The following AGPAT3 variants were observed in gnomAD, a reference collection of about 807,000 sequenced individuals.
AGPAT3 encodes the protein 1-acylglycerol-3-phosphate O-acyltransferase 3, also known as 1-acyl-sn-glycerol-3-phosphate acyltransferase gamma.
A neutral mutation model predicts 47.3 loss-of-function variants in AGPAT3; 5 were observed. The ratio of observed to expected loss-of-function variants is 0.11; its 90% confidence interval spans 0.06 to 0.22. The LOEUF (loss-of-function observed/expected upper bound fraction) is 0.22, where lower values mean the gene tolerates loss of function less well. Among genes scored for constraint, AGPAT3 ranks in the 10% least tolerant of loss-of-function variants. The pLI is 1.00. For missense variants in AGPAT3, 315 were observed against 493.0 expected, an observed-to-expected ratio of 0.64 and a Z score of 3.42; for synonymous variants, 212 against 208.3, an observed-to-expected ratio of 1.02 and a Z score of -0.15.
chr21:43,962,167 A>T (rs2146661471), intron 3 of AGPAT3, among the ~76,000 whole-genome samples: 1 of 151,502 alleles, frequency 6.6e-6, no homozygotes, highest in East Asian at 1.9e-4. Flanking sequence ...CTCCTGGCTA[A>T]TTTTTTTTGT....
chr21:43,971,476 G>T lies in AGPAT3; in HGVS notation c.753G>T (p.Ala251=). ...LGILYGKKYE[A]DMCVRRFPLE... ...TCCTCTACGGGAAGAAGTACGAGGC[G>T]GACATGTGCGTGAGGTGAGGCCAGA... is the stretch of plus-strand genomic sequence containing the variant. Residue 251 remains alanine, a synonymous_variant, in exon 7 of 10, where the codon GCG becomes GCT. Transcript: ENST00000291572. 6.2e-7 allele frequency: 1 copy of T among 1,614,186 alleles called. No individual in the cohort carries two copies. Among genetic ancestry groups the T allele is most frequent in the South Asian group, 1.1e-5 (1 of 91,076 alleles).
Position 43,981,523 on chromosome 21 carries a change from G to C in AGPAT3, c.1042+336G>C. 1 of 400,564 alleles carries C rather than the reference G, an allele frequency of 2.5e-6. No individual in the cohort carries two copies. Among genetic ancestry groups the C allele is most frequent in the East Asian group, 5.3e-5 (1 of 18,920 alleles). The allele number at this position is 400,564 out of a possible 1,614,324, so 24.8% of individuals were successfully genotyped here. ...TTTTGGGCTCTTAGGGGTCAGGCTG[G>C]GCTGGCCATTCGGGAGGTTTAAGCA... On this transcript the variant is annotated intron_variant, in intron 9 of 9. Coordinates refer to ENST00000291572, the MANE Select transcript of AGPAT3 (RefSeq NM_020132.5). This position sits in a 1 kb window ranked among gnomAD's most constrained non-coding sequence, Gnocchi z 5.3.
In AGPAT3 at chr21:43,969,260, A is replaced by G. The variant is rs1409998737; in HGVS notation, c.491A>G (p.Asp164Gly). Reference sequence around the variant, plus strand: ...GTCGAAGGGCTGAGGCGCCTGTCGGACTACCCCGAGTACATGTGGGTGAGT... The same window carrying G: ...GTCGAAGGGCTGAGGCGCCTGTCGGGCTACCCCGAGTACATGTGGGTGAGT... ...TVVEGLRRLSDYPEYMWFLLY... is the reference protein window; with the variant it reads ...TVVEGLRRLSGYPEYMWFLLY... The change falls in exon 5 of 10, where the codon GAC becomes GGC. Residue 164 changes from aspartate to glycine, a missense_variant. Transcript: ENST00000291572. 6.2e-7 allele frequency: 1 copy of G among 1,614,220 alleles called. No individual in the cohort carries two copies. Among genetic ancestry groups the G allele is most frequent in the Non-Finnish European group, 8.5e-7 (1 of 1,180,032 alleles).
intron 1 of AGPAT3, among the ~76,000 whole-genome samples, chr21:43,881,123 T>C (rs1306521614): frequency 1.3e-5 from 2 of 152,234 alleles, no homozygotes; most frequent in African/African-American, 4.8e-5. Flanking sequence ...AGTTTTTTCT[T>C]CCTTCCAAGT....
Position 43,970,769 on chromosome 21 carries a change from G to A in AGPAT3, c.627G>A (p.Lys209=). The A allele has an allele frequency of 6.2e-7, 1 of 1,603,052 alleles. No homozygotes were observed. The highest frequency in any genetic ancestry group is 1.3e-5 in the African/African-American group (1 of 74,726). ...AGTACCACCTGCTGCCGCGGACCAA[G>A]GGCTTCACCACCGCAGTCAAGTGCC... is the stretch of plus-strand genomic sequence containing the variant. ...VLKYHLLPRT[K]GFTTAVKCLR... The change falls in exon 6 of 10, where the codon AAG becomes AAA. Residue 209 remains lysine, a synonymous_variant. Transcript: ENST00000291572. This position sits in a 1 kb window ranked among gnomAD's most constrained non-coding sequence, Gnocchi z 5.8.
At chr21:43,881,430 A>G (rs961599589) in intron 1 of AGPAT3, among the ~76,000 whole-genome samples, 1 of 152,214 alleles carries the variant, frequency 6.6e-6, no homozygotes, top group Non-Finnish European at 1.5e-5. Flanking sequence ...AGAACGTGTC[A>G]TACCTCAGCC....
intron 8 of AGPAT3, among the ~76,000 whole-genome samples, chr21:43,978,621 T>C (rs553910896): frequency 3.3e-5 from 5 of 152,374 alleles, no homozygotes; most frequent in African/African-American, 1.2e-4. Context: ...TTCTTCTTAA[T>C]GTTTGAGAAA....
Position 43,985,047 on chromosome 21 carries a change from G to A in AGPAT3, c.*2655G>A, listed in dbSNP as rs2030120206. On this transcript the variant is annotated 3_prime_UTR_variant, in exon 10 of 10. Coordinates refer to ENST00000291572, the MANE Select transcript of AGPAT3 (RefSeq NM_020132.5). ...CCACCCAGAGCCAGGCGCCACACTGGAGGCTCCCAGGCGGGAGGGCCCAGG... is the reference window on the plus strand; with the variant it reads ...CCACCCAGAGCCAGGCGCCACACTGAAGGCTCCCAGGCGGGAGGGCCCAGG... The A allele has an allele frequency of 2.2e-6, 1 of 451,610 alleles. No homozygotes were observed. 28.0% of individuals were successfully genotyped at this position (451,610 alleles called of 1,614,324 possible). A position where few individuals can be genotyped will look rare whatever the true frequency, so the allele number is the denominator to read the frequency against.
At chr21:43,888,474 C>T (rs1388796200) in intron 1 of AGPAT3, among the ~76,000 whole-genome samples, 3 of 152,126 alleles carry the variant, frequency 2.0e-5, no homozygotes, top group Non-Finnish European at 4.4e-5. Context: ...AGCAAACCAC[C>T]GTGGCACACG....
intron 2 of AGPAT3, among the ~76,000 whole-genome samples, chr21:43,918,388 A>G (rs2086805896): frequency 6.6e-6 from 1 of 152,092 alleles, no homozygotes; most frequent in Non-Finnish European, 1.5e-5. Flanking sequence ...AGCTTGCCCC[A>G]TCGGCAGTGT....
At chr21:43,901,255 C>T (rs957707634) in intron 1 of AGPAT3, among the ~76,000 whole-genome samples, 3 of 148,510 alleles carry the variant, frequency 2.0e-5, no homozygotes, top group Non-Finnish European at 3.0e-5. Flanking sequence ...GCCTGGAGTT[C>T]GAGGCTGCAG....
intron 1 of AGPAT3, among the ~76,000 whole-genome samples, chr21:43,897,483 T>C (rs1478844429): frequency 6.6e-6 from 1 of 151,976 alleles, no homozygotes; most frequent in Admixed American, 6.5e-5. Context: ...TCGGAGCTGT[T>C]AGGCACACCT....
chr21:43,935,122 G>A (rs969428508), intron 2 of AGPAT3, among the ~76,000 whole-genome samples: 1 of 152,282 alleles, frequency 6.6e-6, no homozygotes, highest in Non-Finnish European at 1.5e-5. Context: ...GCGTGAGGAA[G>A]CAGTGGGGAG....
chr21:43,891,200 T>A (rs934477456), intron 1 of AGPAT3, among the ~76,000 whole-genome samples: 3 of 152,214 alleles, frequency 2.0e-5, no homozygotes, highest in African/African-American at 7.2e-5. Flanking sequence ...TTGGAGTCAC[T>A]CCTCTCAAAC....
intron 2 of AGPAT3, among the ~76,000 whole-genome samples, chr21:43,926,295 C>T (rs557201808): frequency 6.6e-6 from 1 of 152,186 alleles, no homozygotes; most frequent in Non-Finnish European, 1.5e-5. Context: ...AACGCACTGG[C>T]GCCAAGGGGG....
intron 7 of AGPAT3, among the ~76,000 whole-genome samples, chr21:43,976,170 A>AATC (rs2089615684): frequency 6.6e-6 from 1 of 151,908 alleles, no homozygotes; most frequent in South Asian, 2.1e-4. Context: ...TGGTTCTAGC[A>AATC]ATTCTCCTGT....
chr21:43,869,943 C>A (rs774907024), intron 1 of AGPAT3, among the ~76,000 whole-genome samples: 1 of 152,200 alleles, frequency 6.6e-6, no homozygotes, highest in South Asian at 2.1e-4. Context: ...TGGGCTCAAG[C>A]GATCCTCCCA....
At chr21:43,866,974 C>T (rs2085521471) in intron 1 of AGPAT3, among the ~76,000 whole-genome samples, 1 of 152,246 alleles carries the variant, frequency 6.6e-6, no homozygotes, top group South Asian at 2.1e-4. Flanking sequence ...GCTGCCCCGC[C>T]CCAGGCTGGG....
intron 1 of AGPAT3, among the ~76,000 whole-genome samples, chr21:43,866,120 GTT>G (rs751185123): frequency 3.9e-4 from 51 of 132,334 alleles, no homozygotes; most frequent in African/African-American, 1.1e-3. Context: ...ATGGTGCAGT[GTT>G]TTTTTTTTTT....
Sources: gnomAD v4.1 joint callset for allele counts (sites outside exome capture counted in the v4.1 genomes callset) on GRCh38, gnomAD v4.1.1 for gene constraint, Gnocchi (gnomAD v3.1) non-coding constraint, MANE v1.5 for transcripts, NCBI Gene and HGNC (gene_info 2026-07-23, HGNC 2026-07-21) for gene names.